HERC4: variants seen among roughly 807,000 people sequenced by gnomAD.
The protein encoded by HERC4 is HECT and RLD domain containing E3 ubiquitin protein ligase 4.
Under a neutral mutation model 124.3 loss-of-function variants are expected in HERC4, and 28 were observed. The ratio of observed to expected loss-of-function variants is 0.23; its 90% CI spans 0.17 to 0.31. The LOEUF is 0.31. Ranked by LOEUF, HERC4 falls within the 10% of genes least tolerant of loss-of-function variation. HERC4 has a pLI of 1.00. For synonymous variants in HERC4, 407 were observed against 421.5 expected, an observed-to-expected ratio of 0.97 and a Z score of 0.42; for missense variants, 713 against 1,229.3, an observed-to-expected ratio of 0.58 and a Z score of 6.28.
chr10:68,043,064 A>C lies in HERC4; in HGVS notation c.386+1340T>G, dbSNP rs151180980. ...AGGTTCATAGTTGTTATTATTGGAC[A>C]ACCCTCATATAAATTTTATACATAA... On this transcript the variant is annotated intron_variant, in intron 4 of 24. Coordinates refer to ENST00000373700, the MANE Select transcript of HERC4 (RefSeq NM_015601.4). Among the ~76,000 whole-genome samples the C allele has an allele frequency of 1.3e-3, 203 of 152,318 alleles. 2 individuals carry two copies. Among genetic ancestry groups the C allele is most frequent in the African/African-American group, 4.6e-3 (190 of 41,578 alleles).
At chr10:67,958,725 TTTG>T (rs2034303304) in intron 16 of HERC4, among the ~76,000 whole-genome samples, 1 of 152,192 alleles carries the variant, frequency 6.6e-6, no homozygotes, top group Non-Finnish European at 1.5e-5. Flanking sequence ...AAAAATGAAG[TTTG>T]TTTTACTTCT....
chr10:67,947,551 C>G (rs1487267545), intron 19 of HERC4, among the ~76,000 whole-genome samples: 4 of 152,008 alleles, frequency 2.6e-5, no homozygotes, highest in Non-Finnish European at 5.9e-5. Context: ...ATACAACAAT[C>G]CAAAGATCAA....
At chr10:67,962,635 T>C (rs567477364) in intron 16 of HERC4, among the ~76,000 whole-genome samples, 2 of 152,144 alleles carry the variant, frequency 1.3e-5, no homozygotes, top group African/African-American at 2.4e-5. Context: ...ATAAAGATAA[T>C]TAACTAAAAG....
intron 9 of HERC4, among the ~76,000 whole-genome samples, chr10:67,996,947 C>T (rs566302743): frequency 6.6e-6 from 1 of 151,648 alleles, no homozygotes; most frequent in East Asian, 1.9e-4. Flanking sequence ...GAGACCGCTC[C>T]ACTACACTCT....
At chr10:67,976,980 A>C (rs1450448431) in intron 15 of HERC4, among the ~76,000 whole-genome samples, 1 of 152,182 alleles carries the variant, frequency 6.6e-6, no homozygotes, top group African/African-American at 2.4e-5. Flanking sequence ...TGCAGGCCAC[A>C]AGGACCGCAA....
intron 15 of HERC4, among the ~76,000 whole-genome samples, chr10:67,973,805 G>C (rs1178287294): frequency 6.6e-6 from 1 of 152,056 alleles, no homozygotes; most frequent in Non-Finnish European, 1.5e-5. Context: ...TGTAATCCCA[G>C]AACTTTGGGA....
chr10:68,040,100 C>T (rs2039685602), intron 4 of HERC4: 2 of 938,718 alleles, frequency 2.1e-6, no homozygotes, highest in Non-Finnish European at 2.5e-6. Flanking sequence ...AATGAATATA[C>T]TGTTAAAGGA....
chr10:67,988,242 T>C (rs1459343638), intron 15 of HERC4: 1 of 152,322 alleles, frequency 6.6e-6, no homozygotes, highest in African/African-American at 2.4e-5. Flanking sequence ...ATGTTCTACT[T>C]TGAGGCCATT....
At chr10:68,063,160 G>A (rs1018701895) in intron 3 of HERC4, among the ~76,000 whole-genome samples, 2 of 151,884 alleles carry the variant, frequency 1.3e-5, no homozygotes, top group African/African-American at 2.4e-5. Flanking sequence ...ATCATTAAAT[G>A]ATATTCATCA....
chr10:67,987,238 T>C (rs1160677970), intron 15 of HERC4, among the ~76,000 whole-genome samples: 1 of 152,198 alleles, frequency 6.6e-6, no homozygotes, highest in Non-Finnish European at 1.5e-5. Context: ...GCTTAAGTTC[T>C]GCCTATAGTT....
intron 9 of HERC4, among the ~76,000 whole-genome samples, chr10:67,998,568 G>A (rs1433402736): frequency 6.7e-6 from 1 of 149,044 alleles, no homozygotes; most frequent in African/African-American, 2.5e-5. Flanking sequence ...AAAAAAGGGG[G>A]GGGGGTACAG....
intron 3 of HERC4, among the ~76,000 whole-genome samples, chr10:68,059,895 TTA>T (rs1173374917): frequency 1.4e-5 from 1 of 73,756 alleles, no homozygotes; most frequent in African/African-American, 8.2e-5. Context: ...TATCATAATA[TTA>T]TATATTATAT....
rs201016658 is a variant in HERC4, at chr10:67,995,567, CT to C, written c.1070-2886del. Among the ~76,000 whole-genome samples, 502 of 135,016 alleles carry C rather than the reference CT, an allele frequency of 3.7e-3. 1 individual carries two copies. The highest frequency in any genetic ancestry group is 0.013 in the South Asian group (58 of 4,318). 88.6% of individuals were successfully genotyped at this position (135,016 alleles called of 152,430 possible). ...TTTGTCTTATTTATCTATTAGCTGT[CT>C]TTTTTTTTTTTCATTAATATGTATG... On this transcript the variant is annotated intron_variant, in intron 9 of 24. Coordinates refer to ENST00000373700, the MANE Select transcript of HERC4 (RefSeq NM_015601.4).
At chr10:68,009,586 C>T (rs1435403909) in intron 9 of HERC4, among the ~76,000 whole-genome samples, 1 of 152,160 alleles carries the variant, frequency 6.6e-6, no homozygotes, top group Admixed American at 6.5e-5. Context: ...ACATTGATGG[C>T]TACTGACTGA....
At chr10:67,961,133 T>C (rs1279971461) in intron 16 of HERC4, 3 of 176,282 alleles carry the variant, frequency 1.7e-5, no homozygotes, top group African/African-American at 7.2e-5. Context: ...CTACCAGTTT[T>C]TGGCCATGGA....
In HERC4 at chr10:67,988,572, T is replaced by C. The variant is rs1014564093; in HGVS notation, c.1806+91A>G. The C allele has an allele frequency of 3.1e-5, 28 of 893,338 alleles. No homozygotes were observed. In the Middle Eastern group the frequency reaches 8.6e-4, roughly 28 times the overall value. The allele number at this position is 893,338 out of a possible 1,614,324, so 55.3% of individuals were successfully genotyped here. A position where few individuals can be genotyped will look rare whatever the true frequency, so the allele number is the denominator to read the frequency against. ...ATAATATGCATTGTTTTTGCCAATC[T>C]AAATCTTTAATAGATTAATGTTAAA... On this transcript the variant is annotated intron_variant, in intron 15 of 24. Transcript: ENST00000373700.
At chr10:67,971,658 C>T (rs1427157719) in intron 15 of HERC4, among the ~76,000 whole-genome samples, 1 of 148,030 alleles carries the variant, frequency 6.8e-6, no homozygotes, top group African/African-American at 2.5e-5. Flanking sequence ...ATCTAACCAC[C>T]CCCACCCCCC....
At chr10:68,009,730 C>G (rs1469710837) in intron 9 of HERC4, among the ~76,000 whole-genome samples, 1 of 152,180 alleles carries the variant, frequency 6.6e-6, no homozygotes, top group Non-Finnish European at 1.5e-5. Context: ...TGCATGATAG[C>G]ATTTTACCCA....
At chr10:67,951,217 C>A (rs1046739561) in intron 19 of HERC4, among the ~76,000 whole-genome samples, 1 of 152,110 alleles carries the variant, frequency 6.6e-6, no homozygotes, top group African/African-American at 2.4e-5. Context: ...AGCAGCACAG[C>A]CCCCAACCTC....
Sources: gnomAD v4.1 joint callset for allele counts (sites outside exome capture counted in the v4.1 genomes callset) on GRCh38, gnomAD v4.1.1 for gene constraint, MANE v1.5 for transcripts, NCBI Gene and HGNC (gene_info 2026-07-23, HGNC 2026-07-21) for gene names.